The following ERP44 variants were observed in gnomAD, a reference collection of about 807,000 sequenced individuals.
ERP44 encodes the protein endoplasmic reticulum resident protein 44.
A neutral mutation model predicts 53.4 loss-of-function variants in ERP44; 25 were observed. The observed-to-expected ratio is 0.47, with a 90% CI of 0.34 to 0.65. The LOEUF is 0.65. Ranked by LOEUF, ERP44 falls within the 30% of genes least tolerant of loss-of-function variation. The pLI is 0.01. For synonymous variants in ERP44, 145 were observed against 161.2 expected (o/e 0.90, Z 0.76); for missense variants, 338 against 493.2 (o/e 0.69, Z 2.98).
At chr9:99,995,371 T>C (rs1010995794) in intron 10 of ERP44, among the ~76,000 whole-genome samples, 4 of 152,356 alleles carry the variant, frequency 2.6e-5, no homozygotes, top group African/African-American at 9.6e-5. Context: ...AGTAAAATAC[T>C]AAAAGAAGTG....
At chr9:100,014,088 C>T (rs1382366166) in intron 8 of ERP44, among the ~76,000 whole-genome samples, 1 of 152,050 alleles carries the variant, frequency 6.6e-6, no homozygotes, top group East Asian at 1.9e-4. Context: ...TCCTATAGTC[C>T]TATTGAAAAT....
intron 10 of ERP44, among the ~76,000 whole-genome samples, chr9:100,002,009 T>C (rs1045543442): frequency 2.0e-5 from 3 of 151,998 alleles, no homozygotes; most frequent in African/African-American, 7.2e-5. Context: ...GTGGTTACCA[T>C]GAGATTTACG....
Position 100,006,662 on chromosome 9 carries a change from A to ACAC in ERP44, c.875-16_875-15insGTG, listed in dbSNP as rs763951089. 2 of 1,536,440 alleles carry ACAC rather than the reference A, an allele frequency of 1.3e-6. No individual in the cohort carries two copies. The highest frequency in any genetic ancestry group is 4.6e-5 in the East Asian group (2 of 43,872). ...GTTTATTGTACCTTTAAGAAAAAAG[A>ACAC]ATTTTGAGAGGTAAATTCAAATTTT... On this transcript the variant is annotated splice_polypyrimidine_tract_variant and intron_variant, in intron 9 of 11. Transcript: ENST00000262455.
Position 100,098,807 on chromosome 9 carries a change from G to A in ERP44, c.34C>T (p.Leu12Phe), listed in dbSNP as rs748112039. 1.2e-6 allele frequency: 2 copies of A among 1,613,960 alleles called. No homozygotes were observed. Among genetic ancestry groups the A allele is most frequent in the Non-Finnish European group, 1.7e-6 (2 of 1,179,878 alleles). Reference protein sequence around the residue: ...HPAVFLSLPDLRCSLLLLVTW... With the variant: ...HPAVFLSLPDFRCSLLLLVTW... ...ACCAGGAGCAGAAGGGAGCATCTGA[G>A]GTCGGGTAAGGATAGGAAGACGGCA... The change falls in exon 1 of 12, where the codon CTC becomes TTC. Residue 12 changes from leucine (L) to phenylalanine (F), a missense_variant. Leu to Phe is a conservative substitution (Grantham distance 22). Coordinates refer to ENST00000262455, the MANE Select transcript of ERP44 (RefSeq NM_015051.3).
At chr9:100,004,657 G>T (rs1830410017) in intron 10 of ERP44, among the ~76,000 whole-genome samples, 1 of 152,142 alleles carries the variant, frequency 6.6e-6, no homozygotes, top group African/African-American at 2.4e-5. Context: ...GCCTGGGGTT[G>T]GGGGAGGGGT....
At chr9:99,987,329 T>C (rs1830204851) in intron 10 of ERP44, among the ~76,000 whole-genome samples, 1 of 152,184 alleles carries the variant, frequency 6.6e-6, no homozygotes, top group Non-Finnish European at 1.5e-5. Flanking sequence ...GGAAAATAAA[T>C]GGGCCCTTGC....
intron 8 of ERP44, among the ~76,000 whole-genome samples, chr9:100,009,697 A>C (rs1830453514): frequency 6.6e-6 from 1 of 152,174 alleles, no homozygotes; most frequent in Admixed American, 6.5e-5. Flanking sequence ...CTACAAGCCC[A>C]GCTCCAGTAC....
chr9:100,094,245 A>G (rs1826597134), intron 1 of ERP44, among the ~76,000 whole-genome samples: 2 of 152,216 alleles, frequency 1.3e-5, no homozygotes, highest in African/African-American at 4.8e-5. Context: ...TGTGACTAAT[A>G]AGCTACAATT....
At chr9:100,067,230 T>TCTGATGC (rs1386324564) in intron 1 of ERP44, among the ~76,000 whole-genome samples, 1 of 152,172 alleles carries the variant, frequency 6.6e-6, no homozygotes, top group Non-Finnish European at 1.5e-5. Flanking sequence ...ACAGTCTCCC[T>TCTGATGC]CTGATGCCGA....
intron 5 of ERP44, 88 bp from the exon 6 acceptor site, chr9:100,020,819 C>T (rs746884380): frequency 3.0e-5 from 20 of 662,436 alleles, no homozygotes; most frequent in Non-Finnish European, 4.5e-5. Flanking sequence ...AGTACCTAAA[C>T]AAGTCCAGTC....
chr9:100,036,316 T>C (rs940243985), intron 4 of ERP44, among the ~76,000 whole-genome samples: 1 of 152,186 alleles, frequency 6.6e-6, no homozygotes, highest in Non-Finnish European at 1.5e-5. Context: ...CAGCCACATA[T>C]ATAAGAATGA....
At position 100,040,982 on chromosome 9, in the gene ERP44, A is replaced by G. The variant is rs544653266; in HGVS notation, c.286+11435T>C. Among the ~76,000 whole-genome samples, 7 of 152,272 alleles carry G rather than the reference A, an allele frequency of 4.6e-5. No individual in the cohort carries two copies. The East Asian group carries it at 1.3e-3, about 29-fold the overall frequency. On this transcript the variant is annotated intron_variant, in intron 4 of 11. Transcript: ENST00000262455. ...ATCTCTACAATGATAATTATAAAACATCGATGGAAGAAACTGAAAGGGACA... is the reference window on the plus strand; with the variant it reads ...ATCTCTACAATGATAATTATAAAACGTCGATGGAAGAAACTGAAAGGGACA...
At position 100,007,671 on chromosome 9, in the gene ERP44, G is replaced by C; in HGVS notation, c.781C>G (p.Leu261Val). 1.3e-6 allele frequency: 2 copies of C among 1,579,352 alleles called. No individual in the cohort carries two copies. The highest frequency in any genetic ancestry group is 1.1e-5 in the South Asian group (1 of 90,338). ...ENGEELTEEG[L>V]PFLILFHMKE... ...ATGTGAAAGAGTATGAGAAAAGGCA[G>C]TCCTTCTTCTGTCAATTCCTGTAGA... The change falls in exon 9 of 12, where the codon CTG becomes GTG. Residue 261 changes from leucine to valine, a missense_variant. Coordinates refer to ENST00000262455, the MANE Select transcript of ERP44 (RefSeq NM_015051.3).
At chr9:100,016,497 TA>T in intron 7 of ERP44, 59 bp from the exon 8 acceptor site, 5 of 1,497,718 alleles carry the variant, frequency 3.3e-6, no homozygotes, top group Non-Finnish European at 4.4e-6. Context: ...AGTATATTCT[TA>T]TTTTTTTTCT....
At position 99,979,566 on chromosome 9, in the gene ERP44, A is replaced by G. The variant is rs1830125123; in HGVS notation, c.*3046T>C. ...TTCTTTTAATTTAAAGAAAAAAATAATTTGTAGAATGTCATCTAAAAGTTT... is the reference window on the plus strand; with the variant it reads ...TTCTTTTAATTTAAAGAAAAAAATAGTTTGTAGAATGTCATCTAAAAGTTT... On this transcript the variant is annotated 3_prime_UTR_variant, in exon 12 of 12. Transcript: ENST00000262455. The G allele has an allele frequency of 1.8e-5, 3 of 167,730 alleles. No individual in the cohort carries two copies. The highest frequency in any genetic ancestry group is 3.8e-5 in the Non-Finnish European group (3 of 78,690). The allele number at this position is 167,730 out of a possible 1,614,324, so 10.4% of individuals were successfully genotyped here. A position where few individuals can be genotyped will look rare whatever the true frequency, so the allele number is the denominator to read the frequency against.
Position 100,098,943 on chromosome 9 carries a change from G to A in ERP44, c.-103C>T. On this transcript the variant is annotated 5_prime_UTR_variant, in exon 1 of 12. Transcript: ENST00000262455. ...TGGGCTCCGGGAGCCGACGGCAGCG[G>A]AGGATTCTCCAGGCAGCGGCACCTC... 1 of 904,002 alleles carries A rather than the reference G, an allele frequency of 1.1e-6. No homozygotes were observed. 56.0% of individuals were successfully genotyped at this position (904,002 alleles called of 1,614,324 possible). A position where few individuals can be genotyped will look rare whatever the true frequency, so the allele number is the denominator to read the frequency against.
intron 10 of ERP44, among the ~76,000 whole-genome samples, chr9:99,999,359 G>A (rs1165092994): frequency 6.6e-6 from 1 of 152,054 alleles, no homozygotes; most frequent in Non-Finnish European, 1.5e-5. Flanking sequence ...TTAGTCCTTT[G>A]TCAGACGTAT....
At chr9:99,984,602 C>A (rs1441686139) in intron 11 of ERP44, among the ~76,000 whole-genome samples, 1 of 152,154 alleles carries the variant, frequency 6.6e-6, no homozygotes, top group Non-Finnish European at 1.5e-5. Context: ...AATCTTCCAG[C>A]CACAGAGGAA....
chr9:100,042,983 G>T (rs1008142022), intron 4 of ERP44, among the ~76,000 whole-genome samples: 6 of 152,012 alleles, frequency 3.9e-5, no homozygotes, highest in African/African-American at 1.4e-4. Context: ...CAATAGGCCG[G>T]GCGCAGTGGC....
Sources: allele counts gnomAD v4.1 joint callset (sites outside exome capture counted in the v4.1 genomes callset), GRCh38; gene constraint gnomAD v4.1.1; transcripts MANE v1.5; gene names NCBI Gene and HGNC (gene_info 2026-07-23, HGNC 2026-07-21).